The following ITPR1 variants were observed in gnomAD, a reference collection of about 807,000 sequenced individuals.
ITPR1 encodes the protein inositol 1,4,5-trisphosphate receptor type 1, also known as inositol 1,4,5-trisphosphate-gated calcium channel ITPR1.
Under a neutral mutation model 318.4 loss-of-function variants are expected in ITPR1, and 96 were observed. The ratio of observed to expected loss-of-function variants is 0.30; its 90% CI spans 0.26 to 0.36. ITPR1 has a LOEUF of 0.36. ITPR1 is among the 10% of genes least tolerant of loss of function. The pLI is 1.00. For missense variants in ITPR1, 2,440 were observed against 3,460.2 expected (o/e 0.71, Z 7.40); for synonymous variants, 1,312 against 1,289.9 (o/e 1.02, Z -0.37).
intron 4 of ITPR1, among the ~76,000 whole-genome samples, chr3:4,541,385 TTCTG>T (rs1482424702): frequency 3.9e-5 from 6 of 152,182 alleles, no homozygotes; most frequent in Admixed American, 1.3e-4. Flanking sequence ...GATGGGTACT[TTCTG>T]TCAGCATCAT....
chr3:4,835,205 T>C (rs534935550), intron 60 of ITPR1, among the ~76,000 whole-genome samples: 2 of 151,318 alleles, frequency 1.3e-5, no homozygotes, highest in African/African-American at 4.8e-5. Flanking sequence ...CATCTAGCTC[T>C]CTTATAGGGC....
At chr3:4,499,280 C>T (rs2080840701) in intron 2 of ITPR1, among the ~76,000 whole-genome samples, 1 of 152,166 alleles carries the variant, frequency 6.6e-6, no homozygotes, top group African/African-American at 2.4e-5. Context: ...GGCTTTTCCT[C>T]TAAGTATGCA....
intron 4 of ITPR1, among the ~76,000 whole-genome samples, chr3:4,623,624 G>GTTTAATTT (rs2092719188): frequency 2.6e-5 from 4 of 152,176 alleles, no homozygotes; most frequent in African/African-American, 9.7e-5. Flanking sequence ...TTAGGGCCCA[G>GTTTAATTT]TGCAAGTTTA....
intron 13 of ITPR1, among the ~76,000 whole-genome samples, chr3:4,660,099 C>T (rs902530777): frequency 2.0e-5 from 3 of 152,256 alleles, no homozygotes; most frequent in South Asian, 2.1e-4. Context: ...TGCTTGATTA[C>T]GCTCTCACCA....
intron 44 of ITPR1, among the ~76,000 whole-genome samples, chr3:4,753,813 G>A (rs1309697503): frequency 1.3e-5 from 2 of 152,106 alleles, no homozygotes; most frequent in African/African-American, 2.4e-5. Flanking sequence ...ACACCCTGCC[G>A]GTACTGTGCG....
chr3:4,727,826 T>C (rs2042629409), intron 42 of ITPR1, among the ~76,000 whole-genome samples: 2 of 152,242 alleles, frequency 1.3e-5, no homozygotes, highest in African/African-American at 2.4e-5. Context: ...TCCTCTTGCC[T>C]TGGCCTCCCA....
At chr3:4,682,389 T>A (rs2094318441) in intron 26 of ITPR1, among the ~76,000 whole-genome samples, 1 of 152,266 alleles carries the variant, frequency 6.6e-6, no homozygotes, top group Admixed American at 6.5e-5. Flanking sequence ...ATTGGGCCTC[T>A]GCTTGCATTG....
At chr3:4,618,947 A>AT (rs2092491826) in intron 4 of ITPR1, among the ~76,000 whole-genome samples, 1 of 152,156 alleles carries the variant, frequency 6.6e-6, no homozygotes, top group Non-Finnish European at 1.5e-5. Context: ...TGTTCTCTCC[A>AT]TTTTTTGGTG....
At position 4,818,601 on chromosome 3, in the gene ITPR1, C is replaced by G. The variant is rs149390037; in HGVS notation, c.8028+359C>G. On this transcript the variant is annotated intron_variant, in intron 60 of 61. Transcript: ENST00000649015. Reference sequence around the variant, plus strand: ...TCTTGATAGTGCTTTTTTCCCCTTTCTTTTTAATTAACACCTACTCTCTAA... The same window carrying G: ...TCTTGATAGTGCTTTTTTCCCCTTTGTTTTTAATTAACACCTACTCTCTAA... Among the ~76,000 whole-genome samples the G allele has an allele frequency of 1.4e-3, 218 of 152,208 alleles. 2 individuals are homozygous for G. The highest frequency in any genetic ancestry group is 4.7e-3 in the African/African-American group (196 of 41,528).
intron 4 of ITPR1, among the ~76,000 whole-genome samples, chr3:4,539,943 T>G (rs1318659405): frequency 6.8e-6 from 1 of 147,770 alleles, no homozygotes; most frequent in Admixed American, 6.7e-5. Context: ...TTACCCAGTT[T>G]CAGGTATTCT....
At chr3:4,496,918 T>C (rs1320078064) in intron 2 of ITPR1, among the ~76,000 whole-genome samples, 1 of 152,146 alleles carries the variant, frequency 6.6e-6, no homozygotes, top group Non-Finnish European at 1.5e-5. Context: ...TGGAGTTAGG[T>C]TTCTAGGTCA....
intron 2 of ITPR1, among the ~76,000 whole-genome samples, chr3:4,496,416 T>C (rs910991535): frequency 6.6e-5 from 10 of 152,202 alleles, no homozygotes; most frequent in Non-Finnish European, 1.2e-4. Flanking sequence ...GATATCATTC[T>C]TATCAGGCAG....
At chr3:4,513,957 G>C (rs1163907932) in intron 2 of ITPR1, among the ~76,000 whole-genome samples, 4 of 152,080 alleles carry the variant, frequency 2.6e-5, no homozygotes, top group Non-Finnish European at 5.9e-5. Context: ...CATGGCGGTG[G>C]GTGCCTGTAA....
intron 4 of ITPR1, among the ~76,000 whole-genome samples, chr3:4,621,275 T>C (rs577288009): frequency 7.9e-5 from 12 of 152,172 alleles, no homozygotes; most frequent in Admixed American, 5.2e-4. Context: ...AAACTTACAG[T>C]CATGGCAGAA....
chr3:4,645,487 A>T lies in ITPR1; in HGVS notation c.708+17A>T. Reference sequence around the variant, plus strand: ...TTAAAGGGGGTGAGTTTGATGCTTTATGGGCTGAGCATTACTTGGCTCTTC... The same window carrying T: ...TTAAAGGGGGTGAGTTTGATGCTTTTTGGGCTGAGCATTACTTGGCTCTTC... On this transcript the variant is annotated intron_variant, in intron 9 of 61. Transcript: ENST00000649015. The T allele has an allele frequency of 6.2e-7, 1 of 1,607,640 alleles. No individual in the cohort carries two copies. The highest frequency in any genetic ancestry group is 2.2e-5 in the East Asian group (1 of 44,820).
intron 4 of ITPR1, among the ~76,000 whole-genome samples, chr3:4,548,653 A>G (rs1416386576): frequency 6.6e-6 from 1 of 152,122 alleles, no homozygotes; most frequent in Admixed American, 6.6e-5. Context: ...CATGAAAGGC[A>G]TTTTATTTGG....
intron 31 of ITPR1, among the ~76,000 whole-genome samples, chr3:4,690,324 A>G (rs1192219911): frequency 1.3e-5 from 2 of 152,192 alleles, no homozygotes; most frequent in African/African-American, 2.4e-5. Context: ...ACTTGAACAG[A>G]CACCCTGTTG....
chr3:4,839,842 CA>C (rs1480497633), intron 61 of ITPR1, among the ~76,000 whole-genome samples: 1 of 152,004 alleles, frequency 6.6e-6, no homozygotes, highest in Non-Finnish European at 1.5e-5. Flanking sequence ...TTGAAGTTGG[CA>C]GTTGGAACCA....
intron 3 of ITPR1, among the ~76,000 whole-genome samples, chr3:4,519,306 A>C (rs1420752966): frequency 6.6e-6 from 1 of 151,198 alleles, no homozygotes. Flanking sequence ...GGCTCACTGC[A>C]CCCTCCACCT....
Sources: gnomAD v4.1 joint callset for allele counts (sites outside exome capture counted in the v4.1 genomes callset) on GRCh38, gnomAD v4.1.1 for gene constraint, MANE v1.5 for transcripts, NCBI Gene and HGNC (gene_info 2026-07-23, HGNC 2026-07-21) for gene names.